The following SMURF2 variants were observed in gnomAD, a reference collection of about 807,000 sequenced individuals.
SMURF2 encodes the protein SMAD specific E3 ubiquitin protein ligase 2.
A neutral mutation model predicts 109.6 loss-of-function variants in SMURF2; 48 were observed. The observed-to-expected ratio is 0.44, with a 90% CI of 0.35 to 0.56. The LOEUF (loss-of-function observed/expected upper bound fraction) is 0.56. SMURF2 is among the 20% of genes least tolerant of loss of function. The pLI is 0.01. For missense variants in SMURF2, 575 were observed against 909.0 expected, an observed-to-expected ratio of 0.63 and a Z score of 4.72; for synonymous variants, 288 against 317.1, an observed-to-expected ratio of 0.91 and a Z score of 0.97.
intron 14 of SMURF2, 45 bp downstream of exon 14, chr17:64,555,775 A>T: frequency 4.5e-5 from 57 of 1,272,418 alleles, no homozygotes; most frequent in Non-Finnish European, 5.1e-5. Context: ...ATTTTTTTTT[A>T]AAGCTCAGAG....
intron 15 of SMURF2, 60 bp from the exon 16 acceptor site, chr17:64,551,764 A>G: frequency 6.3e-7 from 1 of 1,595,708 alleles, no homozygotes; most frequent in Non-Finnish European, 8.6e-7. Context: ...GGTAATTATT[A>G]TTATAAATCT....
chr17:64,606,557 A>G, intron 2 of SMURF2, 45 bp downstream of exon 2: 1 of 1,353,512 alleles, frequency 7.4e-7, no homozygotes. Flanking sequence ...CGCTGTTCCC[A>G]AAGATCTACA....
chr17:64,547,201 TTCTG>T lies in SMURF2; in HGVS notation c.2071+395_2071+398del, dbSNP rs1463968098. Among the ~76,000 whole-genome samples, 5 of 152,232 alleles carry T rather than the reference TTCTG, an allele frequency of 3.3e-5. No homozygotes were observed. Among genetic ancestry groups the T allele is most frequent in the African/African-American group, 1.2e-4 (5 of 41,462 alleles). ...AGATGGTTTCCATGACCCATGCTGCTTCTGTCTAATAAGAGAAAGAACGAAAAGT... is the reference window on the plus strand; with the variant it reads ...AGATGGTTTCCATGACCCATGCTGCTTCTAATAAGAGAAAGAACGAAAAGT... On this transcript the variant is annotated intron_variant, in intron 17 of 18. Transcript: ENST00000262435. The surrounding 1 kb of genome is among the most constrained non-coding windows in gnomAD (Gnocchi z 4.2).
chr17:64,546,784 C>A (rs1164781948), intron 17 of SMURF2, among the ~76,000 whole-genome samples: 1 of 152,208 alleles, frequency 6.6e-6, no homozygotes, highest in Non-Finnish European at 1.5e-5. Context: ...CGCACAGGCA[C>A]CCCATATAAA....
At chr17:64,649,425 C>T (rs1369288238) in intron 1 of SMURF2, among the ~76,000 whole-genome samples, 1 of 152,166 alleles carries the variant, frequency 6.6e-6, no homozygotes, top group Non-Finnish European at 1.5e-5. Context: ...CTCCAAAATC[C>T]TGAGCCATCT....
At chr17:64,559,093 C>T (rs1335326996) in intron 12 of SMURF2, among the ~76,000 whole-genome samples, 2 of 152,156 alleles carry the variant, frequency 1.3e-5, no homozygotes. Context: ...ACATAACACT[C>T]ATCTGATGTG....
intron 1 of SMURF2, among the ~76,000 whole-genome samples, chr17:64,661,078 C>G (rs1970768686): frequency 6.6e-6 from 1 of 151,998 alleles, no homozygotes; most frequent in East Asian, 1.9e-4. Flanking sequence ...GCAATGCACC[C>G]CCCCCAAAAA....
rs924118015 is a variant in SMURF2 at position 64,543,538 on chromosome 17, T to C, written c.*2310A>G. 1 of 152,220 alleles carries C rather than the reference T, an allele frequency of 6.6e-6. No individual in the cohort carries two copies. The highest frequency in any genetic ancestry group is 2.1e-4 in the South Asian group (1 of 4,832). The allele number at this position is 152,220 out of a possible 1,614,324, so 9.4% of individuals were successfully genotyped here. On this transcript the variant is annotated 3_prime_UTR_variant, in exon 19 of 19. Coordinates refer to ENST00000262435, the MANE Select transcript of SMURF2 (RefSeq NM_022739.4). ...ATCCGCCCACCTCGGCCTCCCAAAGTGCTGGGATTACAGGTGTGAGCCACC... is the reference window on the plus strand; with the variant it reads ...ATCCGCCCACCTCGGCCTCCCAAAGCGCTGGGATTACAGGTGTGAGCCACC...
rs61060865 is a variant in SMURF2, at chr17:64,613,673, A to AGTGTGTGT, written c.53-7041_53-7034dup. 9.6e-3 allele frequency among the ~76,000 whole-genome samples: 199 copies of AGTGTGTGT among 20,788 alleles called. 16 individuals carry two copies. Among genetic ancestry groups the AGTGTGTGT allele is most frequent in the Admixed American group, 0.011 (14 of 1,254 alleles). 13.6% of individuals were successfully genotyped at this position (20,788 alleles called of 152,430 possible). ...ATGGAAGACAAGTTTTCCACGGACC[A>AGTGTGTGT]GTGTGTGTGTGTGTGTGTGTGTGTG... On this transcript the variant is annotated intron_variant, in intron 1 of 18. Coordinates refer to ENST00000262435, the MANE Select transcript of SMURF2 (RefSeq NM_022739.4).
Position 64,654,118 on chromosome 17 carries a change from A to G in SMURF2, c.52+7711T>C, listed in dbSNP as rs1427121958. On this transcript the variant is annotated intron_variant, in intron 1 of 18. Coordinates refer to ENST00000262435, the MANE Select transcript of SMURF2 (RefSeq NM_022739.4). Reference sequence around the variant, plus strand: ...AGAGGTAAGAGAAAATGTTTTGGGAAGAAACTTTTTGGGAAGAAATGGGAA... The same window carrying G: ...AGAGGTAAGAGAAAATGTTTTGGGAGGAAACTTTTTGGGAAGAAATGGGAA... Among the ~76,000 whole-genome samples, 9 of 152,230 alleles carry G rather than the reference A, an allele frequency of 5.9e-5. 1 individual carries two copies. Among genetic ancestry groups the G allele is most frequent in the Non-Finnish European group, 1.3e-4 (9 of 68,048 alleles).
At chr17:64,643,653 C>G (rs1242012005) in intron 1 of SMURF2, among the ~76,000 whole-genome samples, 1 of 152,184 alleles carries the variant, frequency 6.6e-6, no homozygotes, top group Non-Finnish European at 1.5e-5. Context: ...CTATTCCTTG[C>G]TGGATTCCCG....
At chr17:64,557,803 A>G (rs1402976158) in intron 12 of SMURF2, 81 bp from the exon 13 acceptor site, 4 of 699,392 alleles carry the variant, frequency 5.7e-6, no homozygotes, top group Non-Finnish European at 9.6e-6. Context: ...TAATCATTTT[A>G]GCAAATAATT....
intron 6 of SMURF2, among the ~76,000 whole-genome samples, 157 bp downstream of exon 6, chr17:64,585,929 C>T (rs1299056600): frequency 6.6e-6 from 1 of 152,022 alleles, no homozygotes; most frequent in Middle Eastern, 3.2e-3. Context: ...ATAAATTTGT[C>T]GAGACAAGAT....
At chr17:64,564,652 A>G (rs1247174401) in intron 10 of SMURF2, among the ~76,000 whole-genome samples, 4 of 152,236 alleles carry the variant, frequency 2.6e-5, no homozygotes, top group Non-Finnish European at 5.9e-5. Context: ...GACAGAAGAC[A>G]AAGACTGGAG....
At chr17:64,605,039 A>T (rs1468112742) in intron 2 of SMURF2, among the ~76,000 whole-genome samples, 1 of 151,588 alleles carries the variant, frequency 6.6e-6, no homozygotes, top group African/African-American at 2.4e-5. Context: ...TATAAATCCT[A>T]CCTTAGATCA....
chr17:64,588,120 A>G (rs1387504349), intron 5 of SMURF2, among the ~76,000 whole-genome samples: 1 of 150,806 alleles, frequency 6.6e-6, no homozygotes. Context: ...GATGTTTATG[A>G]TAAATTTAAA....
intron 1 of SMURF2, among the ~76,000 whole-genome samples, chr17:64,611,657 A>G (rs1970045959): frequency 6.6e-6 from 1 of 152,092 alleles, no homozygotes; most frequent in Non-Finnish European, 1.5e-5. Flanking sequence ...ACCTTAGTCC[A>G]CCATCTACTG....
chr17:64,633,694 T>C (rs1183560533), intron 1 of SMURF2, among the ~76,000 whole-genome samples: 1 of 152,170 alleles, frequency 6.6e-6, no homozygotes, highest in Non-Finnish European at 1.5e-5. Flanking sequence ...TTCTGGTCCC[T>C]ACAATTCTGA....
intron 1 of SMURF2, among the ~76,000 whole-genome samples, chr17:64,626,252 C>T (rs1351522631): frequency 9.9e-5 from 13 of 131,574 alleles, no homozygotes; most frequent in South Asian, 2.3e-4. Context: ...GAGTGAGACA[C>T]GGTCTCAAAA....
Sources: allele counts gnomAD v4.1 joint callset (sites outside exome capture counted in the v4.1 genomes callset), GRCh38; gene constraint gnomAD v4.1.1; non-coding constraint Gnocchi (gnomAD v3.1); transcripts MANE v1.5; gene names NCBI Gene and HGNC (gene_info 2026-07-23, HGNC 2026-07-21).